The following PCDH11X variants were observed in gnomAD, a reference collection of about 807,000 sequenced individuals.
PCDH11X encodes protocadherin 11 X-linked.
In PCDH11X, 18 loss-of-function variants were observed where a neutral mutation model predicts 53.3. The ratio of observed to expected loss-of-function variants is 0.34; its 90% CI spans 0.23 to 0.50. The LOEUF (loss-of-function observed/expected upper bound fraction) is 0.50. Among genes scored for constraint, PCDH11X ranks in the 20% least tolerant of loss-of-function variants. PCDH11X has a pLI of 0.98. For synonymous variants in PCDH11X, 279 were observed against 393.3 expected, an observed-to-expected ratio of 0.71 and a Z score of 3.44; for missense variants, 570 against 1,032.4, an observed-to-expected ratio of 0.55 and a Z score of 6.14.
intron 6 of PCDH11X, among the ~76,000 whole-genome samples, chrX:91,946,714 C>A (rs2147864956): frequency 1.0e-5 from 1 of 96,901 alleles, no homozygotes; most frequent in African/African-American, 3.7e-5. Flanking sequence ...CTCATTAATT[C>A]TGATTTTCCT....
intron 7 of PCDH11X, among the ~76,000 whole-genome samples, chrX:92,206,839 G>A (rs771205318): frequency 9.0e-6 from 1 of 110,990 alleles, no homozygotes; most frequent in South Asian, 3.8e-4. Flanking sequence ...TTTTGTTTCT[G>A]TTTTTGTTTT....
chrX:92,319,235 G>A (rs2069145465), intron 8 of PCDH11X, among the ~76,000 whole-genome samples: 1 of 111,496 alleles, frequency 9.0e-6, no homozygotes, highest in Non-Finnish European at 1.9e-5. Context: ...TCTTGAGAGT[G>A]GGTAGTGGAA....
intron 7 of PCDH11X, among the ~76,000 whole-genome samples, chrX:92,254,375 G>A (rs1336372698): frequency 9.0e-6 from 1 of 110,831 alleles, no homozygotes; most frequent in Admixed American, 9.6e-5. Context: ...GCACACTGAT[G>A]GGTCTTGACT....
Position 91,990,128 on chromosome X carries a change from A to AT in PCDH11X, c.3033+110861dup, listed in dbSNP as rs1017343232. Among the ~76,000 whole-genome samples, 99 of 110,426 alleles carry AT rather than the reference A, an allele frequency of 9.0e-4. 2 individuals carry two copies. The highest frequency in any genetic ancestry group is 9.2e-3 in the Middle Eastern group (2 of 217). On this transcript the variant is annotated intron_variant, in intron 6 of 10. Transcript: ENST00000682573. ...ACTGAGTTTTTATTTTTGTTATTGT[A>AT]TTTTTTATTCGAGTTTCCATTTGAT...
At chrX:92,426,109 G>A (rs1313515900) in intron 9 of PCDH11X, among the ~76,000 whole-genome samples, 2 of 100,230 alleles carry the variant, frequency 2.0e-5, no homozygotes, top group Admixed American at 1.1e-4. Context: ...ATTTTTCGGC[G>A]AACAAACATA....
chrX:92,443,122 A>G (rs2072551707), intron 9 of PCDH11X, among the ~76,000 whole-genome samples: 1 of 107,905 alleles, frequency 9.3e-6, no homozygotes, highest in East Asian at 3.0e-4. Context: ...CTGTTGTGAG[A>G]TAGAGATAGT....
chrX:92,120,994 C>G (rs2064751821), intron 6 of PCDH11X, among the ~76,000 whole-genome samples: 2 of 110,189 alleles, frequency 1.8e-5, no homozygotes, highest in African/African-American at 3.3e-5. Context: ...AATTATCTGA[C>G]TATGTTTTAT....
intron 10 of PCDH11X, among the ~76,000 whole-genome samples, chrX:92,590,166 AC>A (rs1380870151): frequency 9.2e-6 from 1 of 109,047 alleles, no homozygotes; most frequent in Non-Finnish European, 1.9e-5. Flanking sequence ...TTACCTGGCC[AC>A]CCCCACCCCT....
chrX:91,829,505 T>A (rs1292657618), intron 4 of PCDH11X, among the ~76,000 whole-genome samples: 2 of 109,260 alleles, frequency 1.8e-5, no homozygotes, highest in Admixed American at 2.0e-4. Flanking sequence ...TTGTCATGCC[T>A]GAACCCTCCA....
At chrX:92,485,086 G>A (rs1260183620) in intron 10 of PCDH11X, among the ~76,000 whole-genome samples, 1 of 106,664 alleles carries the variant, frequency 9.4e-6, no homozygotes, top group Admixed American at 1.1e-4. Context: ...AGATTTTTCA[G>A]ATAATAAGAT....
chrX:92,565,265 C>G (rs1369849461), intron 10 of PCDH11X, among the ~76,000 whole-genome samples: 16 of 91,273 alleles, frequency 1.8e-4, no homozygotes, highest in Non-Finnish European at 3.3e-4. Context: ...TTATATTATC[C>G]AGCAATTCTA....
chrX:92,460,822 A>G (rs2073024285), intron 9 of PCDH11X: 1 of 1,098,216 alleles, frequency 9.1e-7, no homozygotes, highest in African/African-American at 1.8e-5. Context: ...GAAGATGGCG[A>G]GGACTTCACT....
At chrX:91,892,038 TGTGTGTG>T (rs2147766973) in intron 6 of PCDH11X, among the ~76,000 whole-genome samples, 4 of 99,615 alleles carry the variant, frequency 4.0e-5, no homozygotes, top group African/African-American at 1.4e-4. Context: ...TGTGTGTGTG[TGTGTGTG>T]TTAGAGAGAG....
rs182852143 is a variant in PCDH11X at position 92,137,584 on chromosome X, T to C, written c.3034-63791T>C. ...GACCCATTTAAAGTGCACAACTAAA[T>C]GGCTTTTAGTATATTCACAGAATTT... is the stretch of plus-strand genomic sequence containing the variant. On this transcript the variant is annotated intron_variant, in intron 6 of 10. Coordinates refer to ENST00000682573, the MANE Select transcript of PCDH11X (RefSeq NM_032968.5). Among the ~76,000 whole-genome samples, 83 of 111,488 alleles carry C rather than the reference T, an allele frequency of 7.4e-4. 3 individuals carry two copies. In the East Asian group the frequency reaches 0.016, roughly 21 times the overall value.
chrX:92,608,481 G>A (rs1408137971), intron 10 of PCDH11X, among the ~76,000 whole-genome samples: 3 of 109,223 alleles, frequency 2.7e-5, no homozygotes, highest in South Asian at 3.9e-4. Flanking sequence ...TTGTATTATC[G>A]TTTGTCCTAT....
chrX:92,447,012 T>G (rs1459436719), intron 9 of PCDH11X, among the ~76,000 whole-genome samples: 1 of 111,290 alleles, frequency 9.0e-6, no homozygotes, highest in African/African-American at 3.3e-5. Flanking sequence ...CTCTAAAGAT[T>G]TGTGGAATTT....
chrX:91,928,848 G>A (rs1450294415), intron 6 of PCDH11X, among the ~76,000 whole-genome samples: 2 of 111,086 alleles, frequency 1.8e-5, no homozygotes, highest in African/African-American at 6.5e-5. Context: ...ATCAAATGCT[G>A]TGCATAGATA....
chrX:91,909,925 G>T (rs1941316822), intron 6 of PCDH11X, among the ~76,000 whole-genome samples: 1 of 111,062 alleles, frequency 9.0e-6, no homozygotes, highest in Non-Finnish European at 1.9e-5. Flanking sequence ...TTTTGTGTGA[G>T]ATTGAGATCG....
At chrX:92,030,932 T>A (rs2063039035) in intron 6 of PCDH11X, among the ~76,000 whole-genome samples, 1 of 106,110 alleles carries the variant, frequency 9.4e-6, no homozygotes, top group Admixed American at 1.0e-4. Flanking sequence ...TGGTGAACAG[T>A]GCTGCAACAA....
Sources: gnomAD v4.1 joint callset for allele counts (sites outside exome capture counted in the v4.1 genomes callset) on GRCh38, gnomAD v4.1.1 for gene constraint, MANE v1.5 for transcripts, NCBI Gene and HGNC (gene_info 2026-07-23, HGNC 2026-07-21) for gene names.